Variants in NUB1 observed in about 807,000 individuals in gnomAD.
NUB1 encodes the protein NEDD8 ultimate buster 1.
Under a neutral mutation model 77.1 loss-of-function variants are expected in NUB1, and 41 were observed. The observed-to-expected ratio is 0.53, with a 90% CI of 0.41 to 0.69. The LOEUF is 0.69. Ranked by LOEUF, NUB1 falls within the 30% of genes least tolerant of loss-of-function variation. The probability of loss-of-function intolerance (pLI) is 0.00; values close to 1 mark genes in which losing one functional copy is unlikely to be tolerated. For missense variants in NUB1, 643 were observed against 743.8 expected (o/e 0.86, Z 1.58); for synonymous variants, 257 against 281.0 (o/e 0.91, Z 0.85).
At chr7:151,372,236 T>C (rs1014074736) in intron 11 of NUB1, among the ~76,000 whole-genome samples, 2 of 152,262 alleles carry the variant, frequency 1.3e-5, no homozygotes, top group Admixed American at 1.3e-4. Flanking sequence ...GCCACTTCAG[T>C]GCAGTACTCA....
At chr7:151,344,468 G>A (rs1331887851) in intron 1 of NUB1, among the ~76,000 whole-genome samples, 3 of 149,758 alleles carry the variant, frequency 2.0e-5, no homozygotes, top group African/African-American at 7.3e-5. Flanking sequence ...CTGCCACCAC[G>A]CCCGGCTAAT....
chr7:151,374,102 G>A lies in NUB1; in HGVS notation c.1254G>A (p.Leu418=). 1 of 1,557,828 alleles carries A rather than the reference G, an allele frequency of 6.4e-7. No individual in the cohort carries two copies. Among genetic ancestry groups the A allele is most frequent in the Non-Finnish European group, 8.7e-7 (1 of 1,150,962 alleles). ...ACTTTGCTGTTTTCCTAAAGGAACT[G>A]GCCCAAATAAGGAAGGAGGAAAAAG... ...ATHITNRREE[L]AQIRKEEKEK... is the part of the protein sequence containing the mutation. The change falls in exon 12 of 15, where the codon CTG becomes CTA. Residue 418 remains leucine, a synonymous_variant. Transcript: ENST00000568733.
chr7:151,351,548 C>T (rs1796796306), intron 4 of NUB1, 66 bp downstream of exon 4: 4 of 1,129,488 alleles, frequency 3.5e-6, no homozygotes, highest in African/African-American at 3.1e-5. Context: ...ATTTGATCCT[C>T]TGTGAGCGTC....
chr7:151,346,722 T>A (rs1278344559), intron 2 of NUB1, among the ~76,000 whole-genome samples: 1 of 152,252 alleles, frequency 6.6e-6, no homozygotes, highest in African/African-American at 2.4e-5. Context: ...CTTCCAGACC[T>A]TGCCTTAGTA....
At chr7:151,358,471 C>T (rs1252166359) in intron 7 of NUB1, among the ~76,000 whole-genome samples, 3 of 152,170 alleles carry the variant, frequency 2.0e-5, no homozygotes, top group Admixed American at 6.5e-5. Flanking sequence ...GCCTGAGCTC[C>T]ACCTCCTGTC....
At chr7:151,350,664 A>G (rs772017032) in intron 3 of NUB1, among the ~76,000 whole-genome samples, 4 of 152,350 alleles carry the variant, frequency 2.6e-5, no homozygotes, top group Non-Finnish European at 4.4e-5. Flanking sequence ...CATATCTATA[A>G]TCTATTTCTA....
chr7:151,349,877 T>C (rs752140621), intron 3 of NUB1, among the ~76,000 whole-genome samples: 9 of 152,198 alleles, frequency 5.9e-5, no homozygotes, highest in Non-Finnish European at 1.2e-4. Flanking sequence ...GAAAAGACAG[T>C]TGGGCCCGGA....
At chr7:151,359,630 A>G (rs1263506764) in intron 7 of NUB1, among the ~76,000 whole-genome samples, 2 of 149,730 alleles carry the variant, frequency 1.3e-5, no homozygotes, top group East Asian at 3.9e-4. Flanking sequence ...ATACGAAATT[A>G]GCCGGGCATG....
intron 13 of NUB1, 39 bp from the exon 14 acceptor site, chr7:151,376,595 G>T (rs200208346): frequency 1.3e-6 from 2 of 1,549,622 alleles, no homozygotes; most frequent in Admixed American, 3.7e-5. Context: ...CAGAAGAGGC[G>T]CCAGGGGCTG....
chr7:151,342,915 T>C (rs1180054013), intron 1 of NUB1, among the ~76,000 whole-genome samples: 2 of 152,186 alleles, frequency 1.3e-5, no homozygotes, highest in Non-Finnish European at 2.9e-5. Flanking sequence ...CCTCAGGTGA[T>C]CCACTGGCCT....
chr7:151,348,568 G>GTTTTTTTT (rs1796616001), intron 2 of NUB1, among the ~76,000 whole-genome samples: 1 of 58,182 alleles, frequency 1.7e-5, no homozygotes, highest in Admixed American at 2.0e-4. Flanking sequence ...TTTGCTTTTT[G>GTTTTTTTT]CTTTTTTTTT....
In NUB1 at chr7:151,341,825, C is replaced by T; in HGVS notation, c.-24C>T. On this transcript the variant is annotated 5_prime_UTR_variant, in exon 1 of 15. Coordinates refer to ENST00000568733, the MANE Select transcript of NUB1 (RefSeq NM_001243351.2). ...CCGCATCCGGGCACTCTGCTGGTCGCGGCGGGAGTGGCGTGGCGCAGGTGA... is the reference window on the plus strand; with the variant it reads ...CCGCATCCGGGCACTCTGCTGGTCGTGGCGGGAGTGGCGTGGCGCAGGTGA... 1.3e-6 allele frequency: 2 copies of T among 1,507,170 alleles called. No homozygotes were observed. The highest frequency in any genetic ancestry group is 1.8e-6 in the Non-Finnish European group (2 of 1,137,038). The allele number at this position is 1,507,170 out of a possible 1,614,324, so 93.4% of individuals were successfully genotyped here.
chr7:151,355,730 T>C, intron 5 of NUB1, 38 bp from the exon 6 acceptor site: 1 of 1,516,464 alleles, frequency 6.6e-7, no homozygotes, highest in Non-Finnish European at 8.9e-7. Flanking sequence ...GTAAGCTTAA[T>C]GGCTTTTTAA....
rs541786679 is a variant in NUB1 at position 151,368,780 on chromosome 7, G to T, written c.1141G>T (p.Asp381Tyr). Residue 381 changes from aspartate to tyrosine, a missense_variant, in exon 11 of 15, where the codon GAC becomes TAC. Coordinates refer to ENST00000568733, the MANE Select transcript of NUB1 (RefSeq NM_001243351.2). ...KELYIDPSKV[D>Y]NLLQLGFTAQ... is the part of the protein sequence containing the mutation. ...GCTATATATTGATCCATCAAAAGTG[G>T]ACAATTTGTTGCAGTTGGGGTTTAC... is the stretch of plus-strand genomic sequence containing the variant. 8 of 1,613,900 alleles carry T rather than the reference G, an allele frequency of 5.0e-6. No individual in the cohort carries two copies. Among genetic ancestry groups the T allele is most frequent in the Non-Finnish European group, 6.8e-6 (8 of 1,179,890 alleles).
chr7:151,352,632 A>G (rs1350719276), intron 4 of NUB1, among the ~76,000 whole-genome samples, 180 bp from the exon 5 acceptor site: 1 of 152,072 alleles, frequency 6.6e-6, no homozygotes. Context: ...TTTTGTAGAG[A>G]TAGGATCTCT....
In NUB1 at chr7:151,368,685, G is replaced by T; in HGVS notation, c.1096-50G>T. 1 of 1,542,000 alleles carries T rather than the reference G, an allele frequency of 6.5e-7. No homozygotes were observed. Among genetic ancestry groups the T allele is most frequent in the Non-Finnish European group, 8.8e-7 (1 of 1,142,538 alleles). ...CTTTTAGGCTTTCACTTTGTATTAA[G>T]CTTTAAGTATTGCCGTGGTTACATG... is the stretch of plus-strand genomic sequence containing the variant. On this transcript the variant is annotated intron_variant, in intron 10 of 14. Transcript: ENST00000568733.
At chr7:151,376,270 C>T (rs1301053944) in intron 13 of NUB1, 1 of 466,986 alleles carries the variant, frequency 2.1e-6, no homozygotes, top group African/African-American at 2.0e-5. Flanking sequence ...ACCCATCCAG[C>T]TTTGTATCCC....
intron 12 of NUB1, among the ~76,000 whole-genome samples, chr7:151,375,231 T>G (rs1365908829): frequency 6.6e-6 from 1 of 152,198 alleles, no homozygotes; most frequent in Non-Finnish European, 1.5e-5. Flanking sequence ...AATTTTAAAT[T>G]TTTATTTGAA....
chr7:151,349,549 C>G lies in NUB1; in HGVS notation c.285+309C>G, dbSNP rs1340098820. ...AAAGGATTCCCAAGTTTCCTAGAAG[C>G]CTGTGCAGGAGGACACAGCACAGAA... On this transcript the variant is annotated intron_variant, in intron 3 of 14. Coordinates refer to ENST00000568733, the MANE Select transcript of NUB1 (RefSeq NM_001243351.2). Among the ~76,000 whole-genome samples, 5 of 152,212 alleles carry G rather than the reference C, an allele frequency of 3.3e-5. No homozygotes were observed. The East Asian group carries it at 9.6e-4, about 29-fold the overall frequency.
Sources: allele counts gnomAD v4.1 joint callset (sites outside exome capture counted in the v4.1 genomes callset), GRCh38; gene constraint gnomAD v4.1.1; transcripts MANE v1.5; gene names NCBI Gene and HGNC (gene_info 2026-07-23, HGNC 2026-07-21).